ROR2: variants seen among roughly 807,000 people sequenced by gnomAD.
ROR2 encodes the protein ROR family WNT receptor 2, also known as tyrosine-protein kinase transmembrane receptor ROR2.
Under a neutral mutation model 74.9 loss-of-function variants are expected in ROR2, and 33 were observed. That is an observed-to-expected ratio of 0.44 (90% CI 0.33 to 0.59). ROR2 has a LOEUF of 0.59. Ranked by LOEUF, ROR2 falls within the 20% of genes least tolerant of loss-of-function variation. The pLI, the probability that ROR2 is intolerant of heterozygous loss-of-function variation, is 0.02. For synonymous variants in ROR2, 586 were observed against 558.7 expected, an observed-to-expected ratio of 1.05 and a Z score of -0.69; for missense variants, 1,216 against 1,313.8, an observed-to-expected ratio of 0.93 and a Z score of 1.15.
At chr9:91,732,213 G>A (rs1837267459) in intron 6 of ROR2, among the ~76,000 whole-genome samples, 1 of 152,184 alleles carries the variant, frequency 6.6e-6, no homozygotes, top group Non-Finnish European at 1.5e-5. Context: ...CACTCCTCAG[G>A]GAGGCAACAA....
At chr9:91,858,615 G>A (rs1564003841) in intron 1 of ROR2, among the ~76,000 whole-genome samples, 1 of 152,214 alleles carries the variant, frequency 6.6e-6, no homozygotes, top group Admixed American at 6.5e-5. Context: ...GCTCATTAAC[G>A]TGGAGGCAAA....
chr9:91,911,405 T>C (rs1406872787), intron 1 of ROR2, among the ~76,000 whole-genome samples: 5 of 152,226 alleles, frequency 3.3e-5, no homozygotes, highest in African/African-American at 9.7e-5. Flanking sequence ...ACACTGTGTA[T>C]CTGTGTATCT....
chr9:91,905,212 C>T lies in ROR2; in HGVS notation c.97+44655G>A, dbSNP rs1316568489. Among the ~76,000 whole-genome samples, 11 of 151,190 alleles carry T rather than the reference C, an allele frequency of 7.3e-5. No individual in the cohort carries two copies. Among genetic ancestry groups the T allele is most frequent in the Admixed American group, 7.2e-4 (11 of 15,182 alleles). The stretch of plus-strand genomic sequence containing the variant: ...AACACATACACAAACACCACATATA[C>T]ACCAAACACCACTCAACACAAACAC... On this transcript the variant is annotated intron_variant, in intron 1 of 8. Coordinates refer to ENST00000375708, the MANE Select transcript of ROR2 (RefSeq NM_004560.4). The surrounding 1 kb of genome is among the most constrained non-coding windows in gnomAD (Gnocchi z 5.3).
At position 91,723,483 on chromosome 9, in the gene ROR2, G is replaced by A. The variant is rs1157505582; in HGVS notation, c.*179C>T. Reference sequence around the variant, plus strand: ...CCTGGCTTGGGTGCTCCTAGGCAGGGCAGCTCTCTGTGTCAGAGGACAGAG... The same window carrying A: ...CCTGGCTTGGGTGCTCCTAGGCAGGACAGCTCTCTGTGTCAGAGGACAGAG... On this transcript the variant is annotated 3_prime_UTR_variant, in exon 9 of 9. Transcript: ENST00000375708. 6.4e-6 allele frequency: 6 copies of A among 935,866 alleles called. No homozygotes were observed. Among genetic ancestry groups the A allele is most frequent in the African/African-American group, 1.8e-5 (1 of 55,468 alleles). The allele number at this position is 935,866 out of a possible 1,614,324, so 58.0% of individuals were successfully genotyped here.
At chr9:91,897,065 C>G (rs1009939556) in intron 1 of ROR2, among the ~76,000 whole-genome samples, 2 of 152,218 alleles carry the variant, frequency 1.3e-5, no homozygotes, top group Non-Finnish European at 2.9e-5. Flanking sequence ...CAATGCAGCA[C>G]TGGCAGCTGG....
At chr9:91,888,578 G>A (rs1267355733) in intron 1 of ROR2, among the ~76,000 whole-genome samples, 1 of 152,140 alleles carries the variant, frequency 6.6e-6, no homozygotes, top group African/African-American at 2.4e-5. Flanking sequence ...GCCAGGCTGG[G>A]ATGCGATTGA....
intron 1 of ROR2, among the ~76,000 whole-genome samples, chr9:91,924,516 G>A (rs1219233515): frequency 1.3e-5 from 2 of 152,242 alleles, no homozygotes; most frequent in African/African-American, 2.4e-5. Context: ...GATTCAGGCC[G>A]GGCACGATGG....
intron 1 of ROR2, among the ~76,000 whole-genome samples, chr9:91,861,243 GGTTTT>G (rs75871383): frequency 0.091 from 13,829 of 152,054 alleles, 1,225 homozygotes; most frequent in African/African-American, 0.23. Flanking sequence ...TATTTTTTGA[GGTTTT>G]GTTTTGTTTT....
chr9:91,784,284 G>C (rs1204275648), intron 1 of ROR2, among the ~76,000 whole-genome samples: 1 of 152,182 alleles, frequency 6.6e-6, no homozygotes, highest in Admixed American at 6.5e-5. Flanking sequence ...TCTATCTGCA[G>C]AATGTATCAG....
intron 1 of ROR2, among the ~76,000 whole-genome samples, chr9:91,782,522 GGAA>G (rs1483156184): frequency 6.8e-6 from 1 of 147,892 alleles, no homozygotes; most frequent in Non-Finnish European, 1.5e-5. Context: ...GGGCCACACT[GGAA>G]GAAGAATAAT....
intron 1 of ROR2, among the ~76,000 whole-genome samples, chr9:91,802,175 G>A (rs571372563): frequency 1.4e-5 from 2 of 144,898 alleles, no homozygotes; most frequent in African/African-American, 5.1e-5. Context: ...CCAGGTTCAC[G>A]CCATTCTCCT....
At chr9:91,940,494 A>C (rs2118045842) in intron 1 of ROR2, among the ~76,000 whole-genome samples, 1 of 152,328 alleles carries the variant, frequency 6.6e-6, no homozygotes, top group East Asian at 1.9e-4. Context: ...AGAGATTTTC[A>C]GTCCCTTCAA....
In ROR2 at chr9:91,722,854, A is replaced by G; in HGVS notation, c.*808T>C. Reference sequence around the variant, plus strand: ...TCAATGAAAATGGCATATTAAAAACATATAAATTACATTTAAGCTCTGTAC... The same window carrying G: ...TCAATGAAAATGGCATATTAAAAACGTATAAATTACATTTAAGCTCTGTAC... On this transcript the variant is annotated 3_prime_UTR_variant, in exon 9 of 9. Transcript: ENST00000375708. The G allele has an allele frequency of 1.9e-6, 1 of 534,320 alleles. No individual in the cohort carries two copies. Among genetic ancestry groups the G allele is most frequent in the Non-Finnish European group, 3.4e-6 (1 of 297,298 alleles). 33.1% of individuals were successfully genotyped at this position (534,320 alleles called of 1,614,324 possible).
intron 1 of ROR2, among the ~76,000 whole-genome samples, chr9:91,912,653 A>C (rs1831025558): frequency 6.6e-6 from 1 of 152,240 alleles, no homozygotes; most frequent in Non-Finnish European, 1.5e-5. Flanking sequence ...TTTTGGGAAA[A>C]AAATTAACAA....
Position 91,769,814 on chromosome 9 carries a change from T to C in ROR2, c.175+5927A>G, listed in dbSNP as rs1286932493. On this transcript the variant is annotated intron_variant, in intron 2 of 8. Transcript: ENST00000375708. ...TCCTCCTGTGGTTCCCACACTTGCT[T>C]CTCCCATTTAGAAAGACACTCAGAG... Among the ~76,000 whole-genome samples the C allele has an allele frequency of 4.6e-5, 7 of 152,082 alleles. No individual in the cohort carries two copies. The East Asian group carries it at 1.4e-3, about 29-fold the overall frequency.
intron 1 of ROR2, among the ~76,000 whole-genome samples, chr9:91,803,710 G>A (rs1049867562): frequency 3.3e-5 from 5 of 152,222 alleles, no homozygotes; most frequent in Admixed American, 2.0e-4. Flanking sequence ...GTGGCCTTGC[G>A]TATGGGTCCT....
At chr9:91,818,985 C>A (rs1828041597) in intron 1 of ROR2, among the ~76,000 whole-genome samples, 1 of 152,196 alleles carries the variant, frequency 6.6e-6, no homozygotes, top group South Asian at 2.1e-4. Flanking sequence ...CTCCTTCTTC[C>A]ATCCCAAGAA....
At chr9:91,731,189 G>A (rs1458307183) in intron 6 of ROR2, 34 bp from the exon 7 acceptor site, 34 of 1,613,150 alleles carry the variant, frequency 2.1e-5, no homozygotes, top group African/African-American at 2.7e-5. Flanking sequence ...AAAACCTCCG[G>A]GGTACAACAA....
chr9:91,734,863 C>T (rs1243795933), intron 5 of ROR2, among the ~76,000 whole-genome samples: 1 of 152,196 alleles, frequency 6.6e-6, no homozygotes, highest in African/African-American at 2.4e-5. Context: ...ACATCACCTC[C>T]CCTCCTCTGG....
Sources: gnomAD v4.1 joint callset for allele counts (sites outside exome capture counted in the v4.1 genomes callset) on GRCh38, gnomAD v4.1.1 for gene constraint, Gnocchi (gnomAD v3.1) non-coding constraint, MANE v1.5 for transcripts, NCBI Gene and HGNC (gene_info 2026-07-23, HGNC 2026-07-21) for gene names.